CCZ1B: variants seen among roughly 807,000 people sequenced by gnomAD.
CCZ1B encodes the protein CCZ1B vacuolar protein trafficking and biogenesis associated.
A neutral mutation model predicts 58.8 loss-of-function variants in CCZ1B; 25 were observed. The ratio of observed to expected loss-of-function variants is 0.43; its 90% confidence interval spans 0.31 to 0.59. The LOEUF is 0.59. CCZ1B is among the 20% of genes least tolerant of loss of function. The pLI is 0.12. For missense variants in CCZ1B, 180 were observed against 501.5 expected (o/e 0.36, Z 6.12); for synonymous variants, 66 against 173.2 (o/e 0.38, Z 4.86).
chr7:6,807,499 TTG>T (rs1238336655), intron 10 of CCZ1B, among the ~76,000 whole-genome samples: 1 of 152,182 alleles, frequency 6.6e-6, no homozygotes, highest in Non-Finnish European at 1.5e-5. Flanking sequence ...TTCCTTTTTC[TTG>T]TGAAGATTCC....
In CCZ1B at chr7:6,813,024, T is replaced by A. The variant is rs766688295; in HGVS notation, c.794A>T (p.Asp265Val). ...TGGCATTTCTGCTCTTATTGGAGAA[T>A]CCCTTCCTGCTAACTGCAAATACAT... ...RHIEPELAGR[D>V]SPIRAEMPGN... is the part of the protein sequence containing the mutation. The change falls in exon 9 of 15, where the codon GAT (aspartate) becomes GTT (valine). Residue 265 changes from aspartate (D) to valine (V), a missense_variant. Transcript: ENST00000316731. The A allele has an allele frequency of 2.5e-6, 4 of 1,577,194 alleles. No homozygotes were observed. The highest frequency in any genetic ancestry group is 2.6e-6 in the Non-Finnish European group (3 of 1,155,854).
rs569939902 is a variant in CCZ1B, at chr7:6,821,309, C to T, written c.522+972G>A. On this transcript the variant is annotated intron_variant, in intron 6 of 14. Coordinates refer to ENST00000316731, the MANE Select transcript of CCZ1B (RefSeq NM_198097.5). ...ACAGGCGTAAGCCACCACACCCAGC[C>T]AAGAGTGCCATCTTATACTAAAATC... Among the ~76,000 whole-genome samples, 7 of 150,336 alleles carry T rather than the reference C, an allele frequency of 4.7e-5. No homozygotes were observed. In the South Asian group the frequency reaches 1.5e-3, roughly 32 times the overall value.
intron 10 of CCZ1B, among the ~76,000 whole-genome samples, chr7:6,807,586 A>G (rs1782851056): frequency 6.6e-6 from 1 of 152,240 alleles, no homozygotes. Flanking sequence ...TAAAACCAGG[A>G]ATGAAAGAGG....
intron 1 of CCZ1B, among the ~76,000 whole-genome samples, chr7:6,825,546 A>G (rs1324667886): frequency 1.6e-5 from 2 of 121,940 alleles, no homozygotes; most frequent in African/African-American, 7.0e-5. Context: ...CACAGCGCCC[A>G]GCCTGGACAG....
intron 7 of CCZ1B, among the ~76,000 whole-genome samples, chr7:6,816,414 C>A (rs1783000321): frequency 6.7e-6 from 1 of 148,308 alleles, no homozygotes; most frequent in Non-Finnish European, 1.5e-5. Flanking sequence ...CTGGGAGGCG[C>A]AGGCTGAAGT....
intron 8 of CCZ1B, among the ~76,000 whole-genome samples, chr7:6,813,590 G>A (rs1207920157): frequency 6.7e-6 from 1 of 149,242 alleles, no homozygotes; most frequent in Non-Finnish European, 1.5e-5. Flanking sequence ...GGGAGGGAAT[G>A]AACAAGCGAA....
At chr7:6,809,529 A>AT (rs1197689706) in intron 10 of CCZ1B, among the ~76,000 whole-genome samples, 1 of 143,552 alleles carries the variant, frequency 7.0e-6, no homozygotes, top group Non-Finnish European at 1.5e-5. Context: ...AAGGAGGATG[A>AT]TTTTTTTCTT....
At chr7:6,804,242 T>C (rs1782803903) in intron 12 of CCZ1B, among the ~76,000 whole-genome samples, 1 of 122,724 alleles carries the variant, frequency 8.1e-6, no homozygotes, top group Non-Finnish European at 1.7e-5. Context: ...CTGGCCAACA[T>C]GGTGAAACCG....
intron 6 of CCZ1B, among the ~76,000 whole-genome samples, chr7:6,820,671 C>T (rs1783094477): frequency 6.7e-6 from 1 of 148,666 alleles, no homozygotes; most frequent in African/African-American, 2.5e-5. Context: ...CCTGTAATCC[C>T]AGCCCTTTGG....
intron 10 of CCZ1B, among the ~76,000 whole-genome samples, chr7:6,811,119 T>A (rs1197129119): frequency 6.6e-6 from 1 of 151,430 alleles, no homozygotes. Context: ...GGAGGCTGAC[T>A]GGCCTCTCTG....
intron 1 of CCZ1B, among the ~76,000 whole-genome samples, chr7:6,825,222 C>T (rs1319468312): frequency 1.4e-5 from 2 of 147,908 alleles, no homozygotes; most frequent in East Asian, 3.9e-4. Context: ...AGTTCCCAGC[C>T]ATTTGAACTG....
At chr7:6,817,729 T>C (rs1246951490) in intron 7 of CCZ1B, among the ~76,000 whole-genome samples, 1 of 149,722 alleles carries the variant, frequency 6.7e-6, no homozygotes, top group African/African-American at 2.5e-5. Flanking sequence ...AGAAAGTAGG[T>C]GGAGGCCGGG....
In CCZ1B at chr7:6,813,519, CCGAGT is replaced by C. The variant is rs1188573070; in HGVS notation, c.781-487_781-483del. Among the ~76,000 whole-genome samples, 8 of 149,112 alleles carry C rather than the reference CCGAGT, an allele frequency of 5.4e-5. 2 individuals carry two copies. Among genetic ancestry groups the C allele is most frequent in the African/African-American group, 2.0e-4 (8 of 39,478 alleles). On this transcript the variant is annotated intron_variant, in intron 8 of 14. Coordinates refer to ENST00000316731, the MANE Select transcript of CCZ1B (RefSeq NM_198097.5). ...CTTGAGCCCAAGAGTTTGAGACCAT[CCGAGT>C]CAACAAAGTGAGACCTCATCTCTTA...
At chr7:6,823,621 C>T (rs1391083179) in intron 4 of CCZ1B, among the ~76,000 whole-genome samples, 6 of 146,922 alleles carry the variant, frequency 4.1e-5, no homozygotes, top group East Asian at 4.0e-4. Flanking sequence ...CCGGTTCAAG[C>T]GATTCTCCTG....
At chr7:6,820,440 G>A (rs1445447279) in intron 6 of CCZ1B, among the ~76,000 whole-genome samples, 3 of 148,786 alleles carry the variant, frequency 2.0e-5, no homozygotes, top group Non-Finnish European at 3.0e-5. Context: ...GCCTCCCAAA[G>A]TGCTGGGATT....
At chr7:6,818,371 A>G (rs1411705095) in intron 7 of CCZ1B, among the ~76,000 whole-genome samples, 3 of 149,486 alleles carry the variant, frequency 2.0e-5, no homozygotes, top group African/African-American at 7.6e-5. Flanking sequence ...CAACATGGTA[A>G]AACCCTGTCT....
intron 10 of CCZ1B, among the ~76,000 whole-genome samples, chr7:6,809,978 C>T (rs866908136): frequency 6.0e-5 from 9 of 149,062 alleles, no homozygotes; most frequent in African/African-American, 1.5e-4. Flanking sequence ...GGGTGCATGA[C>T]GGTAAACTTT....
At chr7:6,816,189 C>G (rs915905195) in intron 7 of CCZ1B, among the ~76,000 whole-genome samples, 1 of 147,790 alleles carries the variant, frequency 6.8e-6, no homozygotes, top group African/African-American at 2.6e-5. Flanking sequence ...ACTGAAATAC[C>G]GTGAAGGTGG....
chr7:6,825,047 T>G (rs1459564394), intron 1 of CCZ1B, among the ~76,000 whole-genome samples: 3 of 150,178 alleles, frequency 2.0e-5, no homozygotes, highest in African/African-American at 2.5e-5. Context: ...GAAAGGCAAT[T>G]TCGATAGTCA....
Sources: allele counts gnomAD v4.1 joint callset (sites outside exome capture counted in the v4.1 genomes callset), GRCh38; gene constraint gnomAD v4.1.1; transcripts MANE v1.5; gene names NCBI Gene and HGNC (gene_info 2026-07-23, HGNC 2026-07-21).